The following PHTF2 variants were observed in gnomAD, a reference collection of about 807,000 sequenced individuals.
The protein encoded by PHTF2 is putative homeodomain transcription factor 2.
Under a neutral mutation model 101.2 loss-of-function variants are expected in PHTF2, and 60 were observed. The observed-to-expected ratio is 0.59, with a 90% CI of 0.48 to 0.73. The LOEUF (loss-of-function observed/expected upper bound fraction) is 0.73. PHTF2 is among the 30% of genes least tolerant of loss of function. The pLI is 0.00. For missense variants in PHTF2, 747 were observed against 908.7 expected, an observed-to-expected ratio of 0.82 and a Z score of 2.29; for synonymous variants, 311 against 307.3, an observed-to-expected ratio of 1.01 and a Z score of -0.13.
intron 1 of PHTF2, among the ~76,000 whole-genome samples, chr7:77,818,253 C>T (rs1389173306): frequency 1.3e-5 from 2 of 152,086 alleles, no homozygotes; most frequent in Non-Finnish European, 2.9e-5. Context: ...TATGCAAAAG[C>T]TTTTTGTTTT....
chr7:77,829,201 A>G (rs1007162728), intron 1 of PHTF2, among the ~76,000 whole-genome samples: 4 of 152,142 alleles, frequency 2.6e-5, no homozygotes, highest in Non-Finnish European at 4.4e-5. Context: ...GATTATAGCT[A>G]TAGGGATTCA....
intron 1 of PHTF2, among the ~76,000 whole-genome samples, chr7:77,834,132 GC>G (rs1174191868): frequency 6.6e-6 from 1 of 151,858 alleles, no homozygotes; most frequent in African/African-American, 2.4e-5. Context: ...GGACAACATA[GC>G]CAGACCTCGT....
At chr7:77,899,862 T>C (rs1201834630) in intron 5 of PHTF2, among the ~76,000 whole-genome samples, 5 of 152,232 alleles carry the variant, frequency 3.3e-5, no homozygotes, top group Non-Finnish European at 7.3e-5. Flanking sequence ...CTGAAGAGTT[T>C]AGCTTAAGCT....
intron 1 of PHTF2, among the ~76,000 whole-genome samples, chr7:77,825,728 AT>A (rs1794651661): frequency 6.6e-6 from 1 of 152,228 alleles, no homozygotes; most frequent in African/African-American, 2.4e-5. Flanking sequence ...CCCAACTAAG[AT>A]GAGAAAGGTG....
intron 1 of PHTF2, among the ~76,000 whole-genome samples, chr7:77,801,535 G>A (rs555832062): frequency 9.1e-4 from 138 of 152,230 alleles, no homozygotes; most frequent in Admixed American, 3.0e-3. Context: ...GCAGTGAGCC[G>A]AGATCGCACC....
intron 7 of PHTF2, among the ~76,000 whole-genome samples, chr7:77,907,258 T>A (rs372444856): frequency 1.9e-4 from 29 of 152,266 alleles, no homozygotes; most frequent in East Asian, 9.6e-4. Context: ...ATTGGCATTT[T>A]AAATTTTTTT....
In PHTF2 at chr7:77,888,304, C is replaced by T. The variant is rs561769439; in HGVS notation, c.148-5304C>T. Among the ~76,000 whole-genome samples, 261 of 152,182 alleles carry T rather than the reference C, an allele frequency of 1.7e-3. 1 individual carries two copies. The highest frequency in any genetic ancestry group is 2.6e-3 in the Non-Finnish European group (178 of 68,000). On this transcript the variant is annotated intron_variant, in intron 3 of 19. Coordinates refer to ENST00000416283, the Ensembl canonical transcript of PHTF2. ...TAATTTTTTGTATTTTTAGTAGAGA[C>T]GGGGTTTCACCATGTTGGCCAGGCT... is the stretch of plus-strand genomic sequence containing the variant.
intron 3 of PHTF2, among the ~76,000 whole-genome samples, chr7:77,864,368 A>G (rs1186491641): frequency 6.6e-6 from 1 of 152,252 alleles, no homozygotes; most frequent in Non-Finnish European, 1.5e-5. Flanking sequence ...ATCTTAAACA[A>G]AAATTTGACC....
intron 3 of PHTF2, among the ~76,000 whole-genome samples, chr7:77,880,727 C>A (rs898521594): frequency 1.3e-5 from 2 of 152,216 alleles, no homozygotes; most frequent in Middle Eastern, 3.4e-3. Flanking sequence ...CATGGTTCTG[C>A]CCCATCTAAT....
intron 5 of PHTF2, among the ~76,000 whole-genome samples, chr7:77,898,417 TAAAC>T (rs1801073852): frequency 2.6e-5 from 4 of 152,244 alleles, no homozygotes; most frequent in South Asian, 4.1e-4. Flanking sequence ...CTTACTGTAA[TAAAC>T]AATACTAAAT....
At chr7:77,846,207 C>A (rs1298803488) in intron 2 of PHTF2, among the ~76,000 whole-genome samples, 6 of 152,234 alleles carry the variant, frequency 3.9e-5, no homozygotes, top group Non-Finnish European at 7.4e-5. Flanking sequence ...GGTCTTACAG[C>A]CAAAGAATGT....
intron 2 of PHTF2, among the ~76,000 whole-genome samples, chr7:77,847,300 C>A (rs1253581253): frequency 6.6e-6 from 1 of 152,116 alleles, no homozygotes; most frequent in Admixed American, 6.6e-5. Context: ...TAGACAAATG[C>A]GCTTATTACA....
intron 1 of PHTF2, among the ~76,000 whole-genome samples, chr7:77,839,864 A>G (rs1253839377): frequency 6.6e-6 from 1 of 152,202 alleles, no homozygotes; most frequent in African/African-American, 2.4e-5. Flanking sequence ...TTAGAAACAA[A>G]CTACATTACT....
chr7:77,828,012 T>A (rs1794815572), intron 1 of PHTF2, among the ~76,000 whole-genome samples: 1 of 152,214 alleles, frequency 6.6e-6, no homozygotes, highest in Non-Finnish European at 1.5e-5. Flanking sequence ...ATTTTTAAGG[T>A]CTGTTAACTC....
intron 2 of PHTF2, among the ~76,000 whole-genome samples, chr7:77,841,116 G>C (rs954717415): frequency 1.9e-5 from 2 of 105,336 alleles, no homozygotes; most frequent in Admixed American, 2.8e-4. Flanking sequence ...CTCTCTCTCT[G>C]TCACCCAGAC....
intron 1 of PHTF2, among the ~76,000 whole-genome samples, chr7:77,828,881 T>G (rs1794879195): frequency 6.6e-6 from 1 of 151,660 alleles, no homozygotes; most frequent in African/African-American, 2.4e-5. Context: ...AAAAATAAAA[T>G]TATAACTCTA....
At chr7:77,901,707 G>A in intron 6 of PHTF2, 55 bp from the exon 6 acceptor site, 1 of 1,000,844 alleles carries the variant, frequency 1.0e-6, no homozygotes, top group Non-Finnish European at 1.3e-6. Context: ...TTTCTTTAAA[G>A]AAATTAAAGA....
At chr7:77,919,146 T>G (rs1298871251) in intron 9 of PHTF2, among the ~76,000 whole-genome samples, 1 of 152,196 alleles carries the variant, frequency 6.6e-6, no homozygotes, top group Non-Finnish European at 1.5e-5. Context: ...TGCATGACCT[T>G]AAATAAGTCA....
chr7:77,858,649 CTTT>C (rs34405628), intron 3 of PHTF2, among the ~76,000 whole-genome samples: 2 of 127,718 alleles, frequency 1.6e-5, no homozygotes. Context: ...GAAGTATACA[CTTT>C]TTTTTTTTTT....
Sources: allele counts gnomAD v4.1 joint callset (sites outside exome capture counted in the v4.1 genomes callset), GRCh38; gene constraint gnomAD v4.1.1; transcripts MANE v1.5; gene names NCBI Gene and HGNC (gene_info 2026-07-23, HGNC 2026-07-21).